The following NLGN4X variants were observed in gnomAD, a reference collection of about 807,000 sequenced individuals.
The protein encoded by NLGN4X is neuroligin-4, X-linked.
Under a neutral mutation model 40.3 loss-of-function variants are expected in NLGN4X, and 3 were observed. The ratio of observed to expected loss-of-function variants is 0.07; its 90% CI spans 0.03 to 0.19. The LOEUF is 0.19. Among genes scored for constraint, NLGN4X ranks in the 10% least tolerant of loss-of-function variants. NLGN4X has a pLI of 1.00. For synonymous variants in NLGN4X, 270 were observed against 306.8 expected (o/e 0.88, Z 1.25); for missense variants, 382 against 708.3 (o/e 0.54, Z 5.23).
intron 1 of NLGN4X, among the ~76,000 whole-genome samples, chrX:6,205,989 T>A (rs1001202471): frequency 4.5e-5 from 5 of 111,694 alleles, no homozygotes; most frequent in African/African-American, 1.6e-4. Context: ...AAGTCAAGCG[T>A]CTTAATTACA....
intron 2 of NLGN4X, among the ~76,000 whole-genome samples, chrX:6,125,781 A>C (rs760373560): frequency 8.1e-5 from 9 of 111,743 alleles, no homozygotes; most frequent in African/African-American, 2.9e-4. Context: ...ACAATTAAAG[A>C]AAGCTACCCA....
intron 2 of NLGN4X, among the ~76,000 whole-genome samples, chrX:6,134,865 T>G (rs4593704): frequency 0.27 from 29,797 of 111,763 alleles, 3,969 homozygotes; most frequent in African/African-American, 0.52. Flanking sequence ...CCTTTGCTTT[T>G]TGAAGAATTC....
At chrX:6,065,211 C>T (rs1376341278) in intron 2 of NLGN4X, among the ~76,000 whole-genome samples, 2 of 110,195 alleles carry the variant, frequency 1.8e-5, no homozygotes, top group African/African-American at 3.3e-5. Context: ...CAAACCCCAG[C>T]GACACCCAAT....
chrX:5,932,798 G>GA (rs915681491), intron 3 of NLGN4X, among the ~76,000 whole-genome samples: 3 of 106,422 alleles, frequency 2.8e-5, no homozygotes, highest in Admixed American at 1.0e-4. Flanking sequence ...AACAGAAAGA[G>GA]AAAAAAAAAT....
intron 3 of NLGN4X, among the ~76,000 whole-genome samples, chrX:5,948,308 CA>C (rs1415860918): frequency 9.0e-6 from 1 of 111,483 alleles, no homozygotes; most frequent in East Asian, 2.8e-4. Flanking sequence ...TAAGTGTAAC[CA>C]AAAGAAATTT....
intron 3 of NLGN4X, among the ~76,000 whole-genome samples, chrX:6,013,542 G>T (rs2036310444): frequency 9.0e-6 from 1 of 111,061 alleles, no homozygotes; most frequent in Non-Finnish European, 1.9e-5. Context: ...GAGAGAGGTA[G>T]TATGAGCTAT....
At chrX:5,911,314 A>AT (rs1367729609) in intron 3 of NLGN4X, among the ~76,000 whole-genome samples, 1 of 111,991 alleles carries the variant, frequency 8.9e-6, no homozygotes, top group Non-Finnish European at 1.9e-5. Flanking sequence ...GAGTATGAAG[A>AT]TTTTCAACAC....
At position 6,116,194 on chromosome X, in the gene NLGN4X, A is replaced by G. The variant is rs187394938; in HGVS notation, c.472+34801T>C. ...TGCAGTCCCAGCTACTCGGGAGGCT[A>G]AGGCAGGAGAATGGCGTGAACCCGG... On this transcript the variant is annotated intron_variant, in intron 2 of 5. Transcript: ENST00000381095. Among the ~76,000 whole-genome samples, 359 of 97,236 alleles carry G rather than the reference A, an allele frequency of 3.7e-3. 4 individuals carry two copies. Among genetic ancestry groups the G allele is most frequent in the African/African-American group, 0.013 (333 of 26,417 alleles). 84.4% of individuals were successfully genotyped at this position (97,236 alleles called of 115,157 possible).
intron 3 of NLGN4X, among the ~76,000 whole-genome samples, chrX:5,910,683 G>C (rs537031435): frequency 1.0e-3 from 112 of 111,521 alleles, no homozygotes; most frequent in Middle Eastern, 9.2e-3. Flanking sequence ...CTGAGCACCT[G>C]TGGAAAAATG....
chrX:5,996,561 T>G (rs2035823914), intron 3 of NLGN4X, among the ~76,000 whole-genome samples: 1 of 109,751 alleles, frequency 9.1e-6, no homozygotes, highest in Non-Finnish European at 1.9e-5. Flanking sequence ...TGATGCTGTG[T>G]GGGCCTGCCC....
At chrX:5,902,944 G>A (rs988928011) in intron 5 of NLGN4X, 133 bp downstream of exon 5, 67 of 705,006 alleles carry the variant, frequency 9.5e-5, no homozygotes, top group Non-Finnish European at 1.5e-4. Flanking sequence ...GTGTCTGTGT[G>A]TATGTGTGTG....
intron 2 of NLGN4X, among the ~76,000 whole-genome samples, chrX:6,137,669 T>C (rs926182811): frequency 8.9e-6 from 1 of 112,000 alleles, no homozygotes; most frequent in African/African-American, 3.2e-5. Flanking sequence ...ATGACTCTGA[T>C]GATATTTTTG....
intron 2 of NLGN4X, among the ~76,000 whole-genome samples, chrX:6,055,033 C>A (rs920423871): frequency 8.9e-6 from 1 of 112,197 alleles, no homozygotes; most frequent in Non-Finnish European, 1.9e-5. Flanking sequence ...CCTCTACAGA[C>A]TACTGTACTT....
At position 6,022,221 on chromosome X, in the gene NLGN4X, G is replaced by A. The variant is rs185674815; in HGVS notation, c.625+7059C>T. 2.5e-4 allele frequency among the ~76,000 whole-genome samples: 28 copies of A among 111,797 alleles called. No individual in the cohort carries two copies. In the East Asian group the frequency reaches 2.5e-3, roughly 10 times the overall value. On this transcript the variant is annotated intron_variant, in intron 3 of 5. Transcript: ENST00000381095. Reference sequence around the variant, plus strand: ...CAGAAATCAAATCGGGGGAATCTGAGACATTTTGGTTAGAGGAAGAGAAGA... The same window carrying A: ...CAGAAATCAAATCGGGGGAATCTGAAACATTTTGGTTAGAGGAAGAGAAGA...
chrX:6,090,912 C>T (rs1251794192), intron 2 of NLGN4X, among the ~76,000 whole-genome samples: 2 of 110,654 alleles, frequency 1.8e-5, no homozygotes, highest in Non-Finnish European at 3.8e-5. Context: ...ATCAGCTCCA[C>T]ATGTCATGAG....
chrX:5,960,132 T>C (rs991890830), intron 3 of NLGN4X, among the ~76,000 whole-genome samples: 9 of 111,256 alleles, frequency 8.1e-5, no homozygotes, highest in African/African-American at 1.6e-4. Flanking sequence ...TAATCAGTTA[T>C]AGTATATCAA....
chrX:6,125,432 A>G (rs968913001), intron 2 of NLGN4X, among the ~76,000 whole-genome samples: 4 of 111,526 alleles, frequency 3.6e-5, no homozygotes, highest in African/African-American at 1.3e-4. Context: ...ATAATGAAAC[A>G]AATAATATAC....
chrX:5,952,612 T>A (rs1461722575), intron 3 of NLGN4X, among the ~76,000 whole-genome samples: 1 of 111,534 alleles, frequency 9.0e-6, no homozygotes, highest in Non-Finnish European at 1.9e-5. Context: ...GGTACTAATG[T>A]ATATCAAAGT....
chrX:6,139,565 ATG>A (rs766748397), intron 2 of NLGN4X, among the ~76,000 whole-genome samples: 8 of 111,923 alleles, frequency 7.1e-5, no homozygotes, highest in Non-Finnish European at 1.5e-4. Context: ...CTGCACAAAC[ATG>A]TGTTTACGCT....
Sources: allele counts gnomAD v4.1 joint callset (sites outside exome capture counted in the v4.1 genomes callset), GRCh38; gene constraint gnomAD v4.1.1; transcripts MANE v1.5; gene names NCBI Gene and HGNC (gene_info 2026-07-23, HGNC 2026-07-21).